The following DNAI3 variants were observed in gnomAD, a reference collection of about 807,000 sequenced individuals.
DNAI3 encodes the protein dynein axonemal intermediate chain 3.
Under a neutral mutation model 115.5 loss-of-function variants are expected in DNAI3, and 83 were observed. The ratio of observed to expected loss-of-function variants is 0.72; its 90% CI spans 0.60 to 0.86. The LOEUF is 0.86. DNAI3 is among the 40% of genes least tolerant of loss of function. The probability of loss-of-function intolerance (pLI) is 0.00; values close to 1 mark genes in which losing one functional copy is unlikely to be tolerated. For missense variants in DNAI3, 1,004 were observed against 1,075.8 expected (o/e 0.93, Z 0.93); for synonymous variants, 320 against 347.0 (o/e 0.92, Z 0.86).
chr1:85,082,236 T>G, intron 4 of DNAI3, 64 bp from the exon 5 acceptor site: 2 of 1,268,278 alleles, frequency 1.6e-6, no homozygotes, highest in Non-Finnish European at 2.3e-6. Context: ...AATTTTGTGT[T>G]GGCATCAAAA....
intron 22 of DNAI3, 26 bp from the exon 23 acceptor site, chr1:85,132,829 A>C: frequency 6.6e-7 from 1 of 1,515,104 alleles, no homozygotes; most frequent in African/African-American, 2.1e-5. Context: ...TTTTATAGGG[A>C]TGTCTTGTTT....
intron 3 of DNAI3, among the ~76,000 whole-genome samples, chr1:85,079,024 C>T (rs980183890): frequency 4.6e-5 from 7 of 152,190 alleles, no homozygotes; most frequent in African/African-American, 1.7e-4. Flanking sequence ...TGATAAAAAG[C>T]TTTCTGGTCT....
At chr1:85,108,243 A>C (rs1655550140) in intron 15 of DNAI3, 66 bp downstream of exon 15, 3 of 1,433,822 alleles carry the variant, frequency 2.1e-6, no homozygotes, top group Admixed American at 5.0e-5. Flanking sequence ...GCATGCATAG[A>C]CATACATATA....
chr1:85,098,445 A>G (rs1440272181), intron 12 of DNAI3, 85 bp from the exon 13 acceptor site: 8 of 1,506,586 alleles, frequency 5.3e-6, no homozygotes, highest in South Asian at 1.3e-5. Flanking sequence ...TAAATTGTTC[A>G]TTTTAATTGA....
At chr1:85,092,700 A>G (rs1462619276) in intron 8 of DNAI3, among the ~76,000 whole-genome samples, 3 of 151,610 alleles carry the variant, frequency 2.0e-5, no homozygotes, top group African/African-American at 7.3e-5. Flanking sequence ...TAGCAGGATA[A>G]TTTTTCATTT....
intron 18 of DNAI3, among the ~76,000 whole-genome samples, chr1:85,123,059 T>C (rs2100613200): frequency 6.6e-6 from 1 of 152,344 alleles, no homozygotes; most frequent in East Asian, 1.9e-4. Context: ...ACTGTGGCTC[T>C]TGTCAGAAAC....
At chr1:85,084,179 G>GTT (rs1654716974) in intron 5 of DNAI3, among the ~76,000 whole-genome samples, 1 of 145,354 alleles carries the variant, frequency 6.9e-6, no homozygotes, top group South Asian at 2.2e-4. Flanking sequence ...ATATATGTGT[G>GTT]TGTGTGTGTA....
At chr1:85,088,219 G>A (rs1004372697) in intron 7 of DNAI3, among the ~76,000 whole-genome samples, 2 of 152,132 alleles carry the variant, frequency 1.3e-5, no homozygotes, top group South Asian at 4.2e-4. Context: ...TACCAAGAAT[G>A]AGTCAGCCAG....
At chr1:85,089,629 T>G (rs1379502825) in intron 7 of DNAI3, among the ~76,000 whole-genome samples, 1 of 151,768 alleles carries the variant, frequency 6.6e-6, no homozygotes, top group Non-Finnish European at 1.5e-5. Flanking sequence ...TTTGTAGGGT[T>G]TTTAACAGCA....
At position 85,094,459 on chromosome 1, in the gene DNAI3, A is replaced by C. The variant is rs1571174914; in HGVS notation, c.1077A>C (p.Arg359=). Residue 359 remains arginine, a synonymous_variant, in exon 10 of 23, where the codon CGA becomes CGC. Transcript: ENST00000294664. The stretch of plus-strand genomic sequence containing the variant: ...TAATAGCTGTGTCGGTAGCCGTGCG[A>C]CTTTCTTTTGAAGACAGAGTTCACT... The part of the protein sequence containing the change: ...YGLIAVSVAV[R]LSFEDRVHFS... 1 of 1,614,064 alleles carries C rather than the reference A, an allele frequency of 6.2e-7. No individual in the cohort carries two copies. Among genetic ancestry groups the C allele is most frequent in the Non-Finnish European group, 8.5e-7 (1 of 1,180,048 alleles).
intron 3 of DNAI3, among the ~76,000 whole-genome samples, chr1:85,073,353 A>G (rs139608907): frequency 6.6e-6 from 1 of 152,364 alleles, no homozygotes; most frequent in East Asian, 1.9e-4. Flanking sequence ...TTTTATAACT[A>G]TAAAGTGTTA....
intron 8 of DNAI3, 141 bp from the exon 9 acceptor site, chr1:85,093,317 G>A: frequency 1.2e-6 from 1 of 833,944 alleles, no homozygotes; most frequent in African/African-American, 1.7e-5. Context: ...TTCACATGAG[G>A]TTAATCATTA....
intron 1 of DNAI3, among the ~76,000 whole-genome samples, chr1:85,071,323 A>T (rs1461718512): frequency 3.3e-5 from 5 of 152,218 alleles, no homozygotes; most frequent in African/African-American, 1.2e-4. Context: ...ATTTGATGTC[A>T]TGGTGATGAC....
intron 19 of DNAI3, among the ~76,000 whole-genome samples, chr1:85,125,112 T>C (rs147627950): frequency 7.6e-4 from 116 of 152,162 alleles, no homozygotes; most frequent in Middle Eastern, 3.4e-3. Flanking sequence ...ACTAGAATGA[T>C]TGATAAAATC....
intron 3 of DNAI3, among the ~76,000 whole-genome samples, chr1:85,079,850 C>A (rs74455515): frequency 0.036 from 5,486 of 151,992 alleles, 194 homozygotes; most frequent in East Asian, 0.18. Context: ...CTGGGACTGG[C>A]AGCCAGATGG....
intron 1 of DNAI3, among the ~76,000 whole-genome samples, chr1:85,067,530 G>C (rs937929022): frequency 5.9e-5 from 9 of 152,202 alleles, no homozygotes; most frequent in African/African-American, 2.2e-4. Flanking sequence ...ACTGATACCT[G>C]TATTCAAGTT....
intron 8 of DNAI3, among the ~76,000 whole-genome samples, 176 bp downstream of exon 8, chr1:85,090,408 C>A (rs1488401941): frequency 6.6e-6 from 1 of 152,172 alleles, no homozygotes; most frequent in East Asian, 1.9e-4. Context: ...TATTGCTAAG[C>A]AACATCTTAG....
At chr1:85,095,356 T>C (rs548743734) in intron 10 of DNAI3, among the ~76,000 whole-genome samples, 3 of 152,320 alleles carry the variant, frequency 2.0e-5, no homozygotes, top group South Asian at 4.1e-4. Flanking sequence ...CCCCAATTCA[T>C]TTGAATTAAG....
chr1:85,079,931 A>G (rs755533475), intron 3 of DNAI3, among the ~76,000 whole-genome samples: 3 of 152,048 alleles, frequency 2.0e-5, no homozygotes, highest in Non-Finnish European at 2.9e-5. Context: ...AGAAGCCACT[A>G]TTTGAAAAAT....
Sources: gnomAD v4.1 joint callset for allele counts (sites outside exome capture counted in the v4.1 genomes callset) on GRCh38, gnomAD v4.1.1 for gene constraint, MANE v1.5 for transcripts, NCBI Gene and HGNC (gene_info 2026-07-23, HGNC 2026-07-21) for gene names.